PLCB1: variants seen among roughly 807,000 people sequenced by gnomAD.
PLCB1 encodes phospholipase C beta 1, also known as 1-phosphatidylinositol 4,5-bisphosphate phosphodiesterase beta-1.
Under a neutral mutation model 161.8 loss-of-function variants are expected in PLCB1, and 46 were observed. That is an observed-to-expected ratio of 0.28 (90% CI 0.22 to 0.36). The LOEUF is 0.36. Among genes scored for constraint, PLCB1 ranks in the 10% least tolerant of loss-of-function variants. The pLI is 1.00. For synonymous variants in PLCB1, 517 were observed against 503.7 expected, an observed-to-expected ratio of 1.03 and a Z score of -0.35; for missense variants, 1,016 against 1,472.5, an observed-to-expected ratio of 0.69 and a Z score of 5.07.
At chr20:8,657,868 C>G (rs917213840) in intron 8 of PLCB1, among the ~76,000 whole-genome samples, 2 of 151,992 alleles carry the variant, frequency 1.3e-5, no homozygotes, top group Non-Finnish European at 2.9e-5. Context: ...GACAGAAAAT[C>G]AATACAAAAT....
At chr20:8,548,076 C>A (rs561603189) in intron 3 of PLCB1, among the ~76,000 whole-genome samples, 2 of 151,914 alleles carry the variant, frequency 1.3e-5, no homozygotes, top group East Asian at 3.9e-4. Context: ...CTACCTTCCT[C>A]CCTCCCTTCC....
intron 3 of PLCB1, among the ~76,000 whole-genome samples, chr20:8,524,864 G>C (rs1984518730): frequency 6.6e-6 from 1 of 152,130 alleles, no homozygotes; most frequent in South Asian, 2.1e-4. Flanking sequence ...TAGTTTTACT[G>C]TAGGGGTGAG....
chr20:8,544,011 A>G (rs1413927148), intron 3 of PLCB1, among the ~76,000 whole-genome samples: 1 of 152,152 alleles, frequency 6.6e-6, no homozygotes, highest in East Asian at 1.9e-4. Context: ...CATCATAACC[A>G]GGATATAACT....
At chr20:8,532,026 A>G (rs1308002994) in intron 3 of PLCB1, among the ~76,000 whole-genome samples, 2 of 152,202 alleles carry the variant, frequency 1.3e-5, no homozygotes, top group African/African-American at 4.8e-5. Flanking sequence ...CCTAATACCC[A>G]AAGCTTAAGT....
chr20:8,539,967 T>C (rs1237502230), intron 3 of PLCB1, among the ~76,000 whole-genome samples: 1 of 152,116 alleles, frequency 6.6e-6, no homozygotes, highest in East Asian at 1.9e-4. Flanking sequence ...GTCAGTCTTA[T>C]TCCCCATTTG....
chr20:8,180,810 C>A (rs913756776), intron 2 of PLCB1, among the ~76,000 whole-genome samples: 2 of 151,968 alleles, frequency 1.3e-5, no homozygotes, highest in African/African-American at 2.4e-5. Flanking sequence ...ATCATGGTAC[C>A]TCTAAACATT....
rs142939165 is a variant in PLCB1 at position 8,753,632 on chromosome 20, A to G, written c.2524-3414A>G. On this transcript the variant is annotated intron_variant, in intron 23 of 31. Transcript: ENST00000338037. ...AGGATGCATAGCTCACTCTTGCACCATCTCAGAATTCCAGGCAAACTCTGC... is the reference window on the plus strand; with the variant it reads ...AGGATGCATAGCTCACTCTTGCACCGTCTCAGAATTCCAGGCAAACTCTGC... Among the ~76,000 whole-genome samples, 10 of 152,256 alleles carry G rather than the reference A, an allele frequency of 6.6e-5. No individual in the cohort carries two copies. In the East Asian group the frequency reaches 1.9e-3, roughly 29 times the overall value.
intron 3 of PLCB1, among the ~76,000 whole-genome samples, chr20:8,440,198 A>G (rs975077522): frequency 6.6e-6 from 1 of 152,206 alleles, no homozygotes; most frequent in South Asian, 2.1e-4. Flanking sequence ...TTTTACCTTG[A>G]AAGCCAGCAA....
chr20:8,761,945 A>G (rs2123576305), intron 25 of PLCB1, among the ~76,000 whole-genome samples: 1 of 145,254 alleles, frequency 6.9e-6, no homozygotes, highest in African/African-American at 2.5e-5. Context: ...GTGGTGGCTC[A>G]CGCCTGTAAT....
chr20:8,292,011 A>G (rs1940155699), intron 2 of PLCB1, among the ~76,000 whole-genome samples: 1 of 152,168 alleles, frequency 6.6e-6, no homozygotes, highest in African/African-American at 2.4e-5. Context: ...AGGGTAGGTT[A>G]TAAAGTCAGC....
At chr20:8,509,869 A>G (rs1983806457) in intron 3 of PLCB1, among the ~76,000 whole-genome samples, 1 of 152,234 alleles carries the variant, frequency 6.6e-6, no homozygotes, top group African/African-American at 2.4e-5. Context: ...TGACTGCTCA[A>G]TACAACATTG....
rs1422627199 is a variant in PLCB1, at chr20:8,245,019, TATATC to T, written c.177+94654_177+94658del. ...TATGACAAGTAATATTTTTATATTT[TATATC>T]ATATCCAATTAGATACATTGAAGAA... On this transcript the variant is annotated intron_variant, in intron 2 of 31. Coordinates refer to ENST00000338037, the MANE Select transcript of PLCB1 (RefSeq NM_015192.4). 2.0e-5 allele frequency among the ~76,000 whole-genome samples: 3 copies of T among 152,078 alleles called. No homozygotes were observed. In the East Asian group the frequency reaches 5.8e-4, roughly 30 times the overall value.
At chr20:8,658,517 T>A in intron 8 of PLCB1, 21 bp from the exon 9 acceptor site, 1 of 1,555,870 alleles carries the variant, frequency 6.4e-7, no homozygotes, top group African/African-American at 1.4e-5. Context: ...TTCTTATTGC[T>A]TGGTTTTTCA....
chr20:8,546,614 A>G (rs959419899), intron 3 of PLCB1, among the ~76,000 whole-genome samples: 1 of 152,188 alleles, frequency 6.6e-6, no homozygotes, highest in Non-Finnish European at 1.5e-5. Context: ...CAATCACACT[A>G]TAAACAGACC....
In PLCB1 at chr20:8,191,647, C is replaced by A. The variant is rs1003674722; in HGVS notation, c.177+41276C>A. On this transcript the variant is annotated intron_variant, in intron 2 of 31. Coordinates refer to ENST00000338037, the MANE Select transcript of PLCB1 (RefSeq NM_015192.4). Reference sequence around the variant, plus strand: ...AATGAATGACTACTATTCCAAAATGCGAACGTGTGAGTTGCATTGGGACAG... The same window carrying A: ...AATGAATGACTACTATTCCAAAATGAGAACGTGTGAGTTGCATTGGGACAG... Among the ~76,000 whole-genome samples the A allele has an allele frequency of 2.6e-5, 4 of 151,932 alleles. No individual in the cohort carries two copies. In the East Asian group the frequency reaches 7.7e-4, roughly 29 times the overall value.
At chr20:8,704,932 C>T (rs1157368123) in intron 11 of PLCB1, among the ~76,000 whole-genome samples, 1 of 150,960 alleles carries the variant, frequency 6.6e-6, no homozygotes, top group Non-Finnish European at 1.5e-5. Flanking sequence ...AGGAGAAGAC[C>T]AATGTCCCAG....
chr20:8,453,274 C>T (rs1387115378), intron 3 of PLCB1, among the ~76,000 whole-genome samples: 1 of 152,226 alleles, frequency 6.6e-6, no homozygotes, highest in Non-Finnish European at 1.5e-5. Flanking sequence ...ATAACAGTAT[C>T]TCCTGCAGCC....
chr20:8,740,801 C>G (rs1057264299), intron 22 of PLCB1, among the ~76,000 whole-genome samples: 5 of 152,122 alleles, frequency 3.3e-5, no homozygotes, highest in Non-Finnish European at 5.9e-5. Flanking sequence ...AATGCTGATT[C>G]TTTTCATGGG....
intron 2 of PLCB1, among the ~76,000 whole-genome samples, chr20:8,164,601 A>G (rs1398608916): frequency 2.0e-5 from 3 of 152,202 alleles, no homozygotes; most frequent in Non-Finnish European, 4.4e-5. Context: ...AGCCAATGCA[A>G]AGTTTCTTGC....
Sources: gnomAD v4.1 joint callset for allele counts (sites outside exome capture counted in the v4.1 genomes callset) on GRCh38, gnomAD v4.1.1 for gene constraint, MANE v1.5 for transcripts, NCBI Gene and HGNC (gene_info 2026-07-23, HGNC 2026-07-21) for gene names.